The following CPSF1 variants were observed in gnomAD, a reference collection of about 807,000 sequenced individuals.
CPSF1 encodes the protein cleavage and polyadenylation specificity factor subunit 1.
CPSF1 carries 106 observed loss-of-function variants against 175.8 expected under a neutral mutation model. That is an observed-to-expected ratio of 0.60 (90% confidence interval 0.52 to 0.71). The LOEUF is 0.71. Among genes scored for constraint, CPSF1 ranks in the 30% least tolerant of loss-of-function variants. The pLI is 0.00. For synonymous variants in CPSF1, 1,024 were observed against 858.3 expected (o/e 1.19, Z -3.37); for missense variants, 1,734 against 2,022.9 (o/e 0.86, Z 2.74).
In CPSF1 at chr8:144,399,165, T is replaced by A; in HGVS notation, c.1430A>T (p.Asn477Ile). The A allele has an allele frequency of 6.3e-7, 1 of 1,595,070 alleles. No individual in the cohort carries two copies. Among genetic ancestry groups the A allele is most frequent in the Non-Finnish European group, 8.5e-7 (1 of 1,170,962 alleles). Residue 477 changes from asparagine (N) to isoleucine (I), a missense_variant, in exon 15 of 38, where the codon AAT becomes ATT. Around this residue, in one of 10 missense-constraint regions of CPSF1, gnomAD observed 280 missense variants for 349.2 expected, o/e 0.80. Coordinates refer to ENST00000616140, the MANE Select transcript of CPSF1 (RefSeq NM_013291.3). This position sits in a 1 kb window ranked among gnomAD's most constrained non-coding sequence, Gnocchi z 6.4. ...GAAGGCAGGCTCGCCCACGGCGGCATTGGCACAGGGTCCAATGTTCAGGAT... is the reference window on the plus strand; with the variant it reads ...GAAGGCAGGCTCGCCCACGGCGGCAATGGCACAGGGTCCAATGTTCAGGAT... ...DSILNIGPCA[N>I]AAVGEPAFLS...
chr8:144,398,482 G>A, intron 18 of CPSF1, 39 bp from the exon 19 acceptor site: 1 of 1,563,474 alleles, frequency 6.4e-7, no homozygotes, highest in Non-Finnish European at 8.7e-7. Flanking sequence ...CCCCCGCAGG[G>A]GACCCCAGCC....
chr8:144,393,532 C>G lies in CPSF1; in HGVS notation c.4204G>C (p.Glu1402Gln). The change falls in exon 37 of 38, where the codon GAG becomes CAG. Residue 1402 changes from glutamate to glutamine, a missense_variant. By Grantham distance (29) the Glu-to-Gln change is conservative (BLOSUM62 2). Around this residue, in one of 10 missense-constraint regions of CPSF1, gnomAD observed 323 missense variants for 338.5 expected, o/e 0.95. Coordinates refer to ENST00000616140, the MANE Select transcript of CPSF1 (RefSeq NM_013291.3). ...AGGTACAGGTAGCGGTTGAGCAGCT[C>G]CCCATCCAGCACGTTGCGCACGGCA... ...QNAVRNVLDG[E>Q]LLNRYLYLST... 6.3e-7 allele frequency: 1 copy of G among 1,598,434 alleles called. No homozygotes were observed. The highest frequency in any genetic ancestry group is 1.3e-5 in the African/African-American group (1 of 74,898).
Position 144,399,687 on chromosome 8 carries a change from G to A in CPSF1, c.1143C>T (p.Tyr381=), listed in dbSNP as rs1554865682. The part of the protein sequence containing the change: ...TTSMVTMEPG[Y]LFLGSRLGNS... ...TGCCCAGGCGAGAACCCAGGAACAG[G>A]TACCCGGGCTCCATGGTGACCATCT... Residue 381 remains tyrosine, a synonymous_variant, in exon 12 of 38, where the codon TAC becomes TAT. Coordinates refer to ENST00000616140, the MANE Select transcript of CPSF1 (RefSeq NM_013291.3). This position sits in a 1 kb window ranked among gnomAD's most constrained non-coding sequence, Gnocchi z 6.4. The A allele has an allele frequency of 6.2e-7, 1 of 1,610,334 alleles. No individual in the cohort carries two copies. Among genetic ancestry groups the A allele is most frequent in the Admixed American group, 1.7e-5 (1 of 59,620 alleles).
rs2116886863 is a variant in CPSF1 at position 144,401,701 on chromosome 8, G to C, written c.145-28C>G. The C allele has an allele frequency of 2.5e-6, 4 of 1,593,662 alleles. No individual in the cohort carries two copies. The South Asian group carries it at 4.5e-5, about 18-fold the overall frequency. On this transcript the variant is annotated intron_variant, in intron 2 of 37. Coordinates refer to ENST00000616140, the MANE Select transcript of CPSF1 (RefSeq NM_013291.3). ...GGAGGGGAGAGAAAGACAGGGCAGT[G>C]AGGGGCCACATCTGGCAGCTCACCT...
chr8:144,393,271 G>C lies in CPSF1; in HGVS notation c.*47C>G, dbSNP rs781847185. On this transcript the variant is annotated 3_prime_UTR_variant, in exon 38 of 38. Coordinates refer to ENST00000616140, the MANE Select transcript of CPSF1 (RefSeq NM_013291.3). ...TTTTCCTTGTGTTTTGTACAAAAAG[G>C]GGGTGGGAGGTAGTTCCGTGTGCTG... The C allele has an allele frequency of 2.7e-6, 4 of 1,458,082 alleles. No homozygotes were observed. Among genetic ancestry groups the C allele is most frequent in the Admixed American group, 4.9e-5 (2 of 40,628 alleles). The allele number at this position is 1,458,082 out of a possible 1,614,324, so 90.3% of individuals were successfully genotyped here.
rs2130761533 is a variant in CPSF1, at chr8:144,396,417, G to C, written c.2910C>G (p.Gly970=). 1 of 1,591,292 alleles carries C rather than the reference G, an allele frequency of 6.3e-7. No individual in the cohort carries two copies. Among genetic ancestry groups the C allele is most frequent in the East Asian group, 2.3e-5 (1 of 44,138 alleles). ...GGAATGGAGCGAAAGAGTCGACCGGGCCGTCGATGGCCATGGGGTGTAGCC... is the reference window on the plus strand; with the variant it reads ...GGAATGGAGCGAAAGAGTCGACCGGCCCGTCGATGGCCATGGGGTGTAGCC... ...ALRLHPMAID[G]PVDSFAPFHN... Residue 970 remains glycine (G), a synonymous_variant, in exon 26 of 38, where the codon GGC becomes GGG. Coordinates refer to ENST00000616140, the MANE Select transcript of CPSF1 (RefSeq NM_013291.3).
intron 2 of CPSF1, among the ~76,000 whole-genome samples, chr8:144,404,031 A>T (rs1483344055): frequency 1.3e-5 from 2 of 151,366 alleles, no homozygotes; most frequent in East Asian, 4.1e-4. Flanking sequence ...TCTAGCCAAC[A>T]TGGTGACATA....
chr8:144,399,430 C>G lies in CPSF1; in HGVS notation c.1294+22G>C, dbSNP rs2116862521. 2 of 1,612,898 alleles carry G rather than the reference C, an allele frequency of 1.2e-6. No homozygotes were observed. The highest frequency in any genetic ancestry group is 4.5e-5 in the East Asian group (2 of 44,884). ...CTGGGTCACCTGGCCCCGCTCCTGACCAGCCCTGGACCGGCCCTCACCTGA... is the reference window on the plus strand; with the variant it reads ...CTGGGTCACCTGGCCCCGCTCCTGAGCAGCCCTGGACCGGCCCTCACCTGA... On this transcript the variant is annotated intron_variant, in intron 13 of 37. Transcript: ENST00000616140. This position sits in a 1 kb window ranked among gnomAD's most constrained non-coding sequence, Gnocchi z 6.4.
chr8:144,393,261 G>C lies in CPSF1; in HGVS notation c.*57C>G, dbSNP rs1237358496. Reference sequence around the variant, plus strand: ...CAAAAAATGTTTTTCCTTGTGTTTTGTACAAAAAGGGGGTGGGAGGTAGTT... The same window carrying C: ...CAAAAAATGTTTTTCCTTGTGTTTTCTACAAAAAGGGGGTGGGAGGTAGTT... On this transcript the variant is annotated 3_prime_UTR_variant, in exon 38 of 38. Coordinates refer to ENST00000616140, the MANE Select transcript of CPSF1 (RefSeq NM_013291.3). 13 of 1,446,036 alleles carry C rather than the reference G, an allele frequency of 9.0e-6. No homozygotes were observed. The African/African-American group carries it at 1.9e-4, about 21-fold the overall frequency. 89.6% of individuals were successfully genotyped at this position (1,446,036 alleles called of 1,614,324 possible).
Position 144,401,061 on chromosome 8 carries a change from C to T in CPSF1, c.402G>A (p.Gln134=). The stretch of plus-strand genomic sequence containing the variant: ...CCCGCACTCGCGGCGTGTGTACATT[C>T]TGCACAAACCCGTCCTGGGGGCAGA... ...EEPELRDGFV[Q]NVHTPRVRVD... The change falls in exon 6 of 38, where the codon CAG becomes CAA. Residue 134 remains glutamine, a synonymous_variant. Transcript: ENST00000616140. 6.2e-7 allele frequency: 1 copy of T among 1,606,636 alleles called. No homozygotes were observed. The highest frequency in any genetic ancestry group is 8.5e-7 in the Non-Finnish European group (1 of 1,175,914).
intron 4 of CPSF1, 62 bp downstream of exon 4, chr8:144,401,368 C>G: frequency 6.2e-7 from 1 of 1,611,888 alleles, no homozygotes; most frequent in Non-Finnish European, 8.5e-7. Flanking sequence ...ACGGCTGTAC[C>G]CAGGCCCTGG....
In CPSF1 at chr8:144,408,903, C is replaced by G. The variant is rs1032001708; in HGVS notation, c.144+112G>C. 2.3e-6 allele frequency: 3 copies of G among 1,325,176 alleles called. No homozygotes were observed. The African/African-American group carries it at 4.4e-5, about 19-fold the overall frequency. 82.1% of individuals were successfully genotyped at this position (1,325,176 alleles called of 1,614,324 possible). ...TGTCCTGGCTCCTCAGGCTGAGGAA[C>G]GTTAAGCAAATCACTCAACTTGTCT... On this transcript the variant is annotated intron_variant, in intron 2 of 37. Coordinates refer to ENST00000616140, the MANE Select transcript of CPSF1 (RefSeq NM_013291.3).
chr8:144,408,921 A>G (rs192998863), intron 2 of CPSF1, 94 bp downstream of exon 2: 30 of 1,469,048 alleles, frequency 2.0e-5, no homozygotes, highest in Non-Finnish European at 2.4e-5. Flanking sequence ...AAATCACTCA[A>G]CTTGTCTGGG....
intron 4 of CPSF1, 45 bp downstream of exon 4, chr8:144,401,385 C>T: frequency 6.2e-7 from 1 of 1,612,540 alleles, no homozygotes; most frequent in Non-Finnish European, 8.5e-7. Context: ...CTGGCACCCA[C>T]TCCCACGCCT....
At position 144,399,033 on chromosome 8, in the gene CPSF1, C is replaced by G. The variant is rs1009609067; in HGVS notation, c.1473G>C (p.Gln491His). Residue 491 changes from glutamine to histidine, a missense_variant, in exon 16 of 38, where the codon CAG becomes CAC. Gln to His is a conservative substitution (Grantham distance 24). This residue lies in a region of CPSF1 where 280 missense variants were observed against 349.2 expected (regional missense o/e 0.80). Transcript: ENST00000616140. The surrounding 1 kb of genome is among the most constrained non-coding windows in gnomAD (Gnocchi z 6.4). ...GEPAFLSEEFQNSPEPDLEIV... is the reference protein window; with the variant it reads ...GEPAFLSEEFHNSPEPDLEIV... The stretch of plus-strand genomic sequence containing the variant: ...TCTCCAGGTCCGGCTCGGGGCTGTT[C>G]TGAAACTGCACAGGACTCGGGGGTG... 21 of 1,597,444 alleles carry G rather than the reference C, an allele frequency of 1.3e-5. No individual in the cohort carries two copies. The Middle Eastern group carries it at 1.2e-3, about 88-fold the overall frequency.
chr8:144,393,762 G>C lies in CPSF1; in HGVS notation c.4050C>G (p.Pro1350=). 3.1e-6 allele frequency: 5 copies of C among 1,592,614 alleles called. No homozygotes were observed. Among genetic ancestry groups the C allele is most frequent in the Non-Finnish European group, 4.3e-6 (5 of 1,175,548 alleles). Residue 1350 remains proline (P), a synonymous_variant, in exon 36 of 38, where the codon CCC becomes CCG. Coordinates refer to ENST00000616140, the MANE Select transcript of CPSF1 (RefSeq NM_013291.3). The part of the protein sequence containing the change: ...TLDGGIGLLL[P]MQEKTYRRLL... ...GCCGCCGGTAGGTCTTCTCCTGCATGGGCAGCAGCAGCCCGATGCCGCCGT... is the reference window on the plus strand; with the variant it reads ...GCCGCCGGTAGGTCTTCTCCTGCATCGGCAGCAGCAGCCCGATGCCGCCGT...
Position 144,397,898 on chromosome 8 carries a change from G to T in CPSF1, c.2074-19C>A. ...TGGACTGCTGCGGGGAGAGGGGTGG[G>T]CTCAGCGGCGGGCAAGGGGCAGGGA... On this transcript the variant is annotated intron_variant, in intron 20 of 37. Coordinates refer to ENST00000616140, the MANE Select transcript of CPSF1 (RefSeq NM_013291.3). The T allele has an allele frequency of 6.3e-7, 1 of 1,599,864 alleles. No homozygotes were observed. The highest frequency in any genetic ancestry group is 8.5e-7 in the Non-Finnish European group (1 of 1,172,378).
At position 144,402,451 on chromosome 8, in the gene CPSF1, C is replaced by A. The variant is rs183122574; in HGVS notation, c.145-778G>T. 7.9e-5 allele frequency among the ~76,000 whole-genome samples: 12 copies of A among 152,202 alleles called. No homozygotes were observed. The South Asian group carries it at 2.5e-3, about 32-fold the overall frequency. On this transcript the variant is annotated intron_variant, in intron 2 of 37. Transcript: ENST00000616140. ...TCCCAAGTAGCTGGGATTACAGGTG[C>A]GTGCCACCATGTCCGGCTAATTTTT... is the stretch of plus-strand genomic sequence containing the variant.
At position 144,394,979 on chromosome 8, in the gene CPSF1, A is replaced by C. The variant is rs781790548; in HGVS notation, c.3317T>G (p.Val1106Gly). 1 of 1,612,786 alleles carries C rather than the reference A, an allele frequency of 6.2e-7. No homozygotes were observed. The highest frequency in any genetic ancestry group is 1.7e-5 in the Admixed American group (1 of 60,006). Residue 1106 changes from valine to glycine, a missense_variant, in exon 30 of 38, where the codon GTG (valine) becomes GGG (glycine). Physicochemically the swap from Val to Gly is moderately radical, Grantham distance 109 (BLOSUM62 -3). Around this residue, in one of 10 missense-constraint regions of CPSF1, gnomAD observed 585 missense variants for 584.7 expected, o/e 1.00. Transcript: ENST00000616140. The stretch of plus-strand genomic sequence containing the variant: ...CACGGTCTCCTCACTGCGCAGAGAC[A>C]CTGTCTTCATGCAGGTCACATGCTC... ...EWEHVTCMKTVSLRSEETVSG... is the reference protein window; with the variant it reads ...EWEHVTCMKTGSLRSEETVSG...
Sources: gnomAD v4.1 joint callset for allele counts (sites outside exome capture counted in the v4.1 genomes callset) on GRCh38, gnomAD v4.1.1 for gene constraint, gnomAD v4.1.1 regional missense constraint, Gnocchi (gnomAD v3.1) non-coding constraint, MANE v1.5 for transcripts, NCBI Gene and HGNC (gene_info 2026-07-23, HGNC 2026-07-21) for gene names.